The following SPTLC3 variants were observed in gnomAD, a reference collection of about 807,000 sequenced individuals.
SPTLC3 encodes serine palmitoyltransferase 3.
SPTLC3 carries 36 observed loss-of-function variants against 59.3 expected under a neutral mutation model. That is an observed-to-expected ratio of 0.61 (90% CI 0.47 to 0.80). SPTLC3 has a LOEUF of 0.80. SPTLC3 is among the 30% of genes least tolerant of loss of function. The pLI, the probability that SPTLC3 is intolerant of heterozygous loss-of-function variation, is 0.00. For missense variants in SPTLC3, 625 were observed against 685.1 expected, an observed-to-expected ratio of 0.91 and a Z score of 0.98; for synonymous variants, 257 against 240.8, an observed-to-expected ratio of 1.07 and a Z score of -0.62.
intron 2 of SPTLC3, among the ~76,000 whole-genome samples, chr20:13,070,816 A>T (rs8122632): frequency 0.12 from 18,926 of 152,122 alleles, 1,386 homozygotes; most frequent in African/African-American, 0.2. Context: ...GGGAGCCATT[A>T]TAAGTTCTGA....
At chr20:13,161,012 G>A (rs1198465209) in intron 11 of SPTLC3, among the ~76,000 whole-genome samples, 1 of 152,102 alleles carries the variant, frequency 6.6e-6, no homozygotes, top group Non-Finnish European at 1.5e-5. Flanking sequence ...GAACTGGAGA[G>A]GAAAGGGGCA....
At chr20:13,038,045 A>AATATATATAT (rs74181398) in intron 1 of SPTLC3, among the ~76,000 whole-genome samples, 1 of 139,516 alleles carries the variant, frequency 7.2e-6, no homozygotes, top group African/African-American at 2.7e-5. Context: ...GAAAATCATG[A>AATATATATAT]ATATATATAT....
chr20:13,073,379 AGGTTTTC>A (rs1449104118), intron 3 of SPTLC3, among the ~76,000 whole-genome samples: 23 of 152,328 alleles, frequency 1.5e-4, no homozygotes, highest in Middle Eastern at 3.4e-3. Flanking sequence ...TCAAATTACA[AGGTTTTC>A]TTTCTTTTTC....
At chr20:13,071,690 C>G (rs545277384) in intron 2 of SPTLC3, among the ~76,000 whole-genome samples, 1 of 152,174 alleles carries the variant, frequency 6.6e-6, no homozygotes, top group South Asian at 2.1e-4. Context: ...GATTGCAGAT[C>G]CCTTTGGTCA....
chr20:13,104,623 C>T (rs999439559), intron 6 of SPTLC3, among the ~76,000 whole-genome samples: 4 of 152,066 alleles, frequency 2.6e-5, no homozygotes, highest in Non-Finnish European at 4.4e-5. Flanking sequence ...CCTCTACAAA[C>T]CAAAAGAAAC....
At chr20:13,136,702 T>A (rs2038255146) in intron 9 of SPTLC3, among the ~76,000 whole-genome samples, 1 of 147,392 alleles carries the variant, frequency 6.8e-6, no homozygotes, top group African/African-American at 2.5e-5. Context: ...ATAAAAGTTA[T>A]ATATATTTAT....
chr20:13,078,090 T>C lies in SPTLC3; in HGVS notation c.607+3593T>C, dbSNP rs1440322639. Reference sequence around the variant, plus strand: ...AAAAGAATACATTACTATTACTTTATATATTTTATATATAAAATATAAATA... The same window carrying C: ...AAAAGAATACATTACTATTACTTTACATATTTTATATATAAAATATAAATA... On this transcript the variant is annotated intron_variant, in intron 4 of 11. Coordinates refer to ENST00000399002, the MANE Select transcript of SPTLC3 (RefSeq NM_018327.4). 4.7e-5 allele frequency among the ~76,000 whole-genome samples: 7 copies of C among 148,482 alleles called. No individual in the cohort carries two copies. The East Asian group carries it at 1.4e-3, about 29-fold the overall frequency.
intron 4 of SPTLC3, among the ~76,000 whole-genome samples, chr20:13,090,703 A>C (rs1412403970): frequency 6.6e-6 from 1 of 152,198 alleles, no homozygotes; most frequent in Non-Finnish European, 1.5e-5. Flanking sequence ...TACTATCCTG[A>C]CTTCTAACAC....
rs370693774 is a variant in SPTLC3 at position 13,167,579 on chromosome 20, G to A, written c.*2712G>A. 9.9e-5 allele frequency: 15 copies of A among 152,278 alleles called. No homozygotes were observed. Among genetic ancestry groups the A allele is most frequent in the Admixed American group, 8.5e-4 (13 of 15,298 alleles). 9.4% of individuals were successfully genotyped at this position (152,278 alleles called of 1,614,324 possible). ...TGACCTCAGGAAAGCAGAAGATAAA[G>A]GTTCCAGATGATATTTGTAAGGAGG... On this transcript the variant is annotated 3_prime_UTR_variant, in exon 12 of 12. Coordinates refer to ENST00000399002, the MANE Select transcript of SPTLC3 (RefSeq NM_018327.4).
chr20:13,066,806 T>C (rs1000728750), intron 2 of SPTLC3, among the ~76,000 whole-genome samples: 2 of 151,938 alleles, frequency 1.3e-5, no homozygotes, highest in Non-Finnish European at 2.9e-5. Flanking sequence ...AGTCTCCTTA[T>C]TTCAATCTTG....
At chr20:13,017,689 C>A (rs1043168800) in intron 1 of SPTLC3, among the ~76,000 whole-genome samples, 3 of 152,152 alleles carry the variant, frequency 2.0e-5, no homozygotes, top group African/African-American at 2.4e-5. Flanking sequence ...CAAGACAATT[C>A]TTCTTCCAAT....
At chr20:13,104,594 C>T (rs1989769506) in intron 6 of SPTLC3, among the ~76,000 whole-genome samples, 1 of 152,092 alleles carries the variant, frequency 6.6e-6, no homozygotes, top group South Asian at 2.1e-4. Context: ...CACCACCAAA[C>T]CAGCTCAATC....
intron 2 of SPTLC3, among the ~76,000 whole-genome samples, chr20:13,059,804 T>C (rs989911763): frequency 6.6e-6 from 1 of 152,192 alleles, no homozygotes; most frequent in African/African-American, 2.4e-5. Context: ...ATTCTCCTGT[T>C]ATATTTCAGG....
intron 6 of SPTLC3, among the ~76,000 whole-genome samples, chr20:13,093,828 T>A (rs2122634701): frequency 6.6e-6 from 1 of 152,356 alleles, no homozygotes; most frequent in East Asian, 1.9e-4. Context: ...CAATGTGGCC[T>A]CTAAATACAT....
At chr20:13,072,647 A>G (rs545063295) in intron 3 of SPTLC3, among the ~76,000 whole-genome samples, 31 of 152,338 alleles carry the variant, frequency 2.0e-4, no homozygotes, top group Non-Finnish European at 2.9e-4. Context: ...CAGAAGGTGC[A>G]GGACACACCA....
At position 13,051,454 on chromosome 20, in the gene SPTLC3, C is replaced by T. The variant is rs185448435; in HGVS notation, c.303+2324C>T. Among the ~76,000 whole-genome samples the T allele has an allele frequency of 6.7e-3, 1,016 of 152,222 alleles. 6 individuals are homozygous for T. The highest frequency in any genetic ancestry group is 0.011 in the Non-Finnish European group (754 of 67,998). On this transcript the variant is annotated intron_variant, in intron 2 of 11. Transcript: ENST00000399002. ...ATTTATAAAACGATTACTAACAGACCTAAGAAATGAGACAGACAGCAACAC... is the reference window on the plus strand; with the variant it reads ...ATTTATAAAACGATTACTAACAGACTTAAGAAATGAGACAGACAGCAACAC...
chr20:13,078,216 T>TA (rs1568591214), intron 4 of SPTLC3, among the ~76,000 whole-genome samples: 2 of 146,928 alleles, frequency 1.4e-5, no homozygotes, highest in African/African-American at 4.9e-5. Flanking sequence ...TAAGTAATAA[T>TA]ATAATATTAT....
Position 13,125,862 on chromosome 20 carries a change from G to A in SPTLC3, c.1153-729G>A, listed in dbSNP as rs568130356. 2.0e-4 allele frequency among the ~76,000 whole-genome samples: 31 copies of A among 152,316 alleles called. No homozygotes were observed. The South Asian group carries it at 2.1e-3, about 10-fold the overall frequency. ...TCACAAGGCCAGCCCAGATTAATCC[G>A]CCTTTTGATGGAAGCAACTGCGAAG... On this transcript the variant is annotated intron_variant, in intron 8 of 11. Coordinates refer to ENST00000399002, the MANE Select transcript of SPTLC3 (RefSeq NM_018327.4).
At chr20:13,072,227 G>A (rs776398439) in intron 2 of SPTLC3, 29 bp from the exon 3 acceptor site, 16 of 1,587,552 alleles carry the variant, frequency 1.0e-5, no homozygotes, top group Admixed American at 9.3e-5. Flanking sequence ...CAAAGAACCA[G>A]AGATAACCTT....
Sources: allele counts gnomAD v4.1 joint callset (sites outside exome capture counted in the v4.1 genomes callset), GRCh38; gene constraint gnomAD v4.1.1; transcripts MANE v1.5; gene names NCBI Gene and HGNC (gene_info 2026-07-23, HGNC 2026-07-21).